The following EXOC1 variants were observed in gnomAD, a reference collection of about 807,000 sequenced individuals.
The protein encoded by EXOC1 is exocyst complex component 1.
In EXOC1, 67 loss-of-function variants were observed where a neutral mutation model predicts 107.7. The ratio of observed to expected loss-of-function variants is 0.62; its 90% confidence interval spans 0.51 to 0.76. The LOEUF is 0.76. Among genes scored for constraint, EXOC1 ranks in the 30% least tolerant of loss-of-function variants. The pLI is 0.00. For missense variants in EXOC1, 833 were observed against 1,055.7 expected (o/e 0.79, Z 2.92); for synonymous variants, 348 against 353.5 (o/e 0.98, Z 0.17).
intron 18 of EXOC1, among the ~76,000 whole-genome samples, chr4:55,903,157 AAAAAAAAG>A (rs1319589360): frequency 6.9e-6 from 1 of 145,146 alleles, no homozygotes; most frequent in African/African-American, 2.5e-5. Flanking sequence ...TAAAAAAAAA[AAAAAAAAG>A]AAAGAAAGAA....
chr4:55,870,093 G>A (rs899670125), intron 5 of EXOC1, among the ~76,000 whole-genome samples: 1 of 152,032 alleles, frequency 6.6e-6, no homozygotes, highest in Non-Finnish European at 1.5e-5. Context: ...AAAGAAAAAA[G>A]ATGATAGAAG....
At chr4:55,903,147 T>TAAAAAAA in intron 18 of EXOC1, among the ~76,000 whole-genome samples, 1 of 98,486 alleles carries the variant, frequency 1.0e-5, no homozygotes, top group Non-Finnish European at 2.3e-5. Context: ...GTGTCTCAAT[T>TAAAAAAA]AAAAAAAAAA....
intron 17 of EXOC1, 121 bp downstream of exon 17, chr4:55,900,005 G>A: frequency 1.4e-6 from 1 of 725,626 alleles, no homozygotes; most frequent in Non-Finnish European, 2.2e-6. Context: ...AGGGGACTCA[G>A]TTATTGAAGC....
At chr4:55,901,074 GA>G (rs1725843070) in intron 17 of EXOC1, among the ~76,000 whole-genome samples, 1 of 152,142 alleles carries the variant, frequency 6.6e-6, no homozygotes, top group Non-Finnish European at 1.5e-5. Context: ...CATTCCCTCT[GA>G]AATCAATTTA....
intron 17 of EXOC1, 115 bp from the exon 18 acceptor site, chr4:55,902,229 C>T (rs918010685): frequency 1.4e-5 from 10 of 703,090 alleles, no homozygotes; most frequent in Non-Finnish European, 2.1e-5. Flanking sequence ...ATTGTTTATA[C>T]TTTCACACAC....
At chr4:55,864,105 G>C (rs1366403187) in intron 3 of EXOC1, 122 bp from the exon 4 acceptor site, 6 of 640,196 alleles carry the variant, frequency 9.4e-6, no homozygotes, top group East Asian at 5.9e-5. Flanking sequence ...CTTTCCAGTT[G>C]CTTAGCTGAT....
Position 55,902,467 on chromosome 4 carries a change from G to A in EXOC1, c.2461G>A (p.Val821Ile), listed in dbSNP as rs1347832928. The A allele has an allele frequency of 6.3e-7, 1 of 1,576,326 alleles. No homozygotes were observed. The highest frequency in any genetic ancestry group is 1.4e-5 in the African/African-American group (1 of 72,488). Residue 821 changes from valine (V) to isoleucine (I), a missense_variant, in exon 18 of 19, where the codon GTA becomes ATA. Val to Ile is a conservative substitution (Grantham distance 29). Around this residue, in one of 2 missense-constraint regions of EXOC1, gnomAD observed 216 missense variants for 354.4 expected, o/e 0.61. Coordinates refer to ENST00000381295, the MANE Select transcript of EXOC1 (RefSeq NM_001024924.2). ...KVIKEYPGKE[V>I]KKGLDNLYKK... is the part of the protein sequence containing the mutation. Reference sequence around the variant, plus strand: ...CATTAAGGAGTACCCTGGAAAGGAAGTAAAAAAAGGTCTAGATAACCTCTA... The same window carrying A: ...CATTAAGGAGTACCCTGGAAAGGAAATAAAAAAAGGTCTAGATAACCTCTA...
intron 9 of EXOC1, among the ~76,000 whole-genome samples, chr4:55,879,626 A>G (rs558218687): frequency 6.6e-6 from 1 of 152,340 alleles, no homozygotes; most frequent in East Asian, 1.9e-4. Context: ...AGGAAGCCAT[A>G]GGGACAGTCC....
At chr4:55,870,545 A>G in intron 5 of EXOC1, 133 bp from the exon 6 acceptor site, 1 of 738,438 alleles carries the variant, frequency 1.4e-6, no homozygotes, top group Non-Finnish European at 2.3e-6. Context: ...GTAGGTATAT[A>G]TCAATTTTTG....
chr4:55,876,368 A>C (rs898347620), intron 8 of EXOC1: 1 of 926,420 alleles, frequency 1.1e-6, no homozygotes, highest in African/African-American at 1.8e-5. Context: ...AGAATGTTTC[A>C]GATTTTAGAA....
intron 9 of EXOC1, among the ~76,000 whole-genome samples, chr4:55,880,422 T>G (rs963616586): frequency 2.0e-5 from 3 of 152,102 alleles, no homozygotes; most frequent in Non-Finnish European, 4.4e-5. Flanking sequence ...ACCTCCACTG[T>G]TGTGTTATAT....
Position 55,871,059 on chromosome 4 carries a change from C to T in EXOC1, c.832-42C>T, listed in dbSNP as rs749522431. 1.9e-5 allele frequency: 30 copies of T among 1,599,982 alleles called. No homozygotes were observed. The East Asian group carries it at 6.7e-4, about 36-fold the overall frequency. ...GAATAGCATCTTGCCTGTAAATTTC[C>T]CAAAATTACACATGCAAATGGTGTG... On this transcript the variant is annotated intron_variant, in intron 6 of 18. Transcript: ENST00000381295.
chr4:55,888,174 T>C (rs920832634), intron 10 of EXOC1, among the ~76,000 whole-genome samples: 11 of 152,194 alleles, frequency 7.2e-5, no homozygotes, highest in Admixed American at 2.0e-4. Context: ...ATAAATATTA[T>C]AGAGAGAGAA....
intron 13 of EXOC1, among the ~76,000 whole-genome samples, chr4:55,892,142 A>C: frequency 6.6e-6 from 1 of 152,184 alleles, no homozygotes; most frequent in East Asian, 1.9e-4. Context: ...AATGGTTTAG[A>C]GTGTTCATTG....
At chr4:55,875,211 G>A (rs148894518) in intron 8 of EXOC1, among the ~76,000 whole-genome samples, 288 of 152,270 alleles carry the variant, frequency 1.9e-3, no homozygotes, top group Non-Finnish European at 2.9e-3. Context: ...AATAAAACCT[G>A]TATTGCAGAC....
At chr4:55,884,062 G>A in intron 10 of EXOC1, 134 bp downstream of exon 10, 2 of 632,360 alleles carry the variant, frequency 3.2e-6, no homozygotes, top group Non-Finnish European at 5.4e-6. Flanking sequence ...TAAAACGTTG[G>A]CTTGATTTAT....
chr4:55,901,001 A>T (rs1314144426), intron 17 of EXOC1, among the ~76,000 whole-genome samples: 1 of 152,256 alleles, frequency 6.6e-6, no homozygotes, highest in Non-Finnish European at 1.5e-5. Context: ...ATATTCCTTT[A>T]ACTGGATAAA....
intron 10 of EXOC1, among the ~76,000 whole-genome samples, chr4:55,884,811 C>G (rs186184596): frequency 1.3e-5 from 2 of 152,236 alleles, no homozygotes; most frequent in East Asian, 1.9e-4. Flanking sequence ...AAACATGATT[C>G]AAAACTGATA....
In EXOC1 at chr4:55,853,808, G is replaced by A. The variant is rs945054867; in HGVS notation, c.-156G>A. 1 of 152,352 alleles carries A rather than the reference G, an allele frequency of 6.6e-6. No homozygotes were observed. The highest frequency in any genetic ancestry group is 1.5e-5 in the Non-Finnish European group (1 of 68,158). 9.4% of individuals were successfully genotyped at this position (152,352 alleles called of 1,614,324 possible). ...CAGTCCGGCCTTGCGGTAAGCCTTCGGCCGCGGCTGCCCGGTAGTCCCGGC... is the reference window on the plus strand; with the variant it reads ...CAGTCCGGCCTTGCGGTAAGCCTTCAGCCGCGGCTGCCCGGTAGTCCCGGC... On this transcript the variant is annotated 5_prime_UTR_variant, in exon 1 of 19. Coordinates refer to ENST00000381295, the MANE Select transcript of EXOC1 (RefSeq NM_001024924.2).
Sources: gnomAD v4.1 joint callset for allele counts (sites outside exome capture counted in the v4.1 genomes callset) on GRCh38, gnomAD v4.1.1 for gene constraint, gnomAD v4.1.1 regional missense constraint, MANE v1.5 for transcripts, NCBI Gene and HGNC (gene_info 2026-07-23, HGNC 2026-07-21) for gene names.